ADGRL3: variants seen among roughly 807,000 people sequenced by gnomAD.
ADGRL3 encodes the protein calcium-independent alpha-latrotoxin receptor 3.
A neutral mutation model predicts 153.5 loss-of-function variants in ADGRL3; 62 were observed. The ratio of observed to expected loss-of-function variants is 0.40; its 90% CI spans 0.33 to 0.50. ADGRL3 has a LOEUF of 0.50. Among genes scored for constraint, ADGRL3 ranks in the 20% least tolerant of loss-of-function variants. The probability of loss-of-function intolerance (pLI) is 0.47; values close to 1 mark genes in which losing one functional copy is unlikely to be tolerated. For missense variants in ADGRL3, 1,641 were observed against 1,859.4 expected, an observed-to-expected ratio of 0.88 and a Z score of 2.16; for synonymous variants, 710 against 672.5, an observed-to-expected ratio of 1.06 and a Z score of -0.86.
chr4:61,905,841 G>T (rs1227939655), intron 11 of ADGRL3, among the ~76,000 whole-genome samples: 1 of 151,144 alleles, frequency 6.6e-6, no homozygotes, highest in East Asian at 2.0e-4. Context: ...GTTGCAGTGA[G>T]TCGAGATCAT....
rs866542492 is a variant in ADGRL3 at position 61,859,307 on chromosome 4, A to G, written c.1481-33349A>G. Among the ~76,000 whole-genome samples the G allele has an allele frequency of 1.3e-4, 20 of 152,188 alleles. 1 individual carries two copies. Among genetic ancestry groups the G allele is most frequent in the African/African-American group, 4.8e-4 (20 of 41,462 alleles). On this transcript the variant is annotated intron_variant, in intron 9 of 26. Coordinates refer to ENST00000683033, the MANE Select transcript of ADGRL3 (RefSeq NM_001387552.1). ...TCTACATATTAATTTAGATAAGCAG[A>G]AAGGAAGCTACATGAAATACTTAGA...
chr4:61,826,821 A>T (rs1046746350), intron 9 of ADGRL3, among the ~76,000 whole-genome samples: 2 of 152,066 alleles, frequency 1.3e-5, no homozygotes, highest in African/African-American at 4.8e-5. Flanking sequence ...AATGTAAATG[A>T]TGAGTTAATG....
intron 2 of ADGRL3, among the ~76,000 whole-genome samples, chr4:61,400,920 C>G (rs2096922772): frequency 6.6e-6 from 1 of 151,116 alleles, no homozygotes. Flanking sequence ...TTAGAATTCT[C>G]ATGAGGATGC....
At chr4:61,558,403 T>A (rs926594214) in intron 4 of ADGRL3, among the ~76,000 whole-genome samples, 5 of 151,712 alleles carry the variant, frequency 3.3e-5, no homozygotes, top group Non-Finnish European at 2.9e-5. Flanking sequence ...TTAAAATAGA[T>A]ATTTAGCTAT....
chr4:61,450,338 G>C (rs76186724), intron 2 of ADGRL3, among the ~76,000 whole-genome samples: 1,697 of 152,234 alleles, frequency 0.011, 33 homozygotes, highest in African/African-American at 0.039. Context: ...TGATTATGGT[G>C]AAGGTCCTAA....
chr4:61,312,864 T>A (rs2095063293), intron 1 of ADGRL3, among the ~76,000 whole-genome samples: 2 of 152,158 alleles, frequency 1.3e-5, no homozygotes, highest in South Asian at 4.1e-4. Context: ...GCAATTGTGC[T>A]CCTTGATATT....
intron 17 of ADGRL3, among the ~76,000 whole-genome samples, chr4:61,962,778 CT>C (rs2098992736): frequency 1.3e-5 from 2 of 152,124 alleles, no homozygotes; most frequent in African/African-American, 4.8e-5. Flanking sequence ...TAAGAGGAAT[CT>C]GTGGGAACGT....
chr4:61,215,948 C>A (rs1742595401), intron 1 of ADGRL3, among the ~76,000 whole-genome samples: 1 of 152,046 alleles, frequency 6.6e-6, no homozygotes, highest in Non-Finnish European at 1.5e-5. Context: ...CATGTAACTT[C>A]TGTAGGTCTA....
At chr4:61,917,391 G>T (rs1486672128) in intron 13 of ADGRL3, among the ~76,000 whole-genome samples, 1 of 152,048 alleles carries the variant, frequency 6.6e-6, no homozygotes, top group African/African-American at 2.4e-5. Context: ...TAATTATTTT[G>T]TGCTGCCATA....
chr4:61,361,551 A>G (rs528955286), intron 1 of ADGRL3, among the ~76,000 whole-genome samples: 26 of 152,314 alleles, frequency 1.7e-4, no homozygotes, highest in African/African-American at 6.0e-4. Flanking sequence ...CTAGACCTCC[A>G]CAGGTACATC....
At chr4:61,402,797 G>A (rs973416198) in intron 2 of ADGRL3, among the ~76,000 whole-genome samples, 6 of 152,048 alleles carry the variant, frequency 3.9e-5, no homozygotes, top group South Asian at 2.1e-4. Context: ...GGGGAGGTGC[G>A]TTTCCATCAT....
At chr4:61,326,298 T>C (rs1370152536) in intron 1 of ADGRL3, among the ~76,000 whole-genome samples, 1 of 152,110 alleles carries the variant, frequency 6.6e-6, no homozygotes, top group Non-Finnish European at 1.5e-5. Context: ...TATATTCACA[T>C]CCTTTCAAAT....
intron 9 of ADGRL3, among the ~76,000 whole-genome samples, chr4:61,871,145 G>T (rs919658683): frequency 2.6e-5 from 4 of 152,054 alleles, no homozygotes; most frequent in Non-Finnish European, 4.4e-5. Flanking sequence ...AGGTGTGGTG[G>T]CGAGTGCCTG....
chr4:61,293,277 T>G (rs1228350812), intron 1 of ADGRL3, among the ~76,000 whole-genome samples: 2 of 152,172 alleles, frequency 1.3e-5, no homozygotes, highest in Admixed American at 6.5e-5. Flanking sequence ...TCCTCTTTTG[T>G]GTTTTAAACC....
At chr4:61,615,527 C>T (rs1299156195) in intron 5 of ADGRL3, among the ~76,000 whole-genome samples, 5 of 150,896 alleles carry the variant, frequency 3.3e-5, no homozygotes, top group African/African-American at 7.3e-5. Context: ...GACAAAAGAA[C>T]GAAGAAGAAC....
At chr4:61,728,324 C>A (rs1179610449) in intron 6 of ADGRL3, among the ~76,000 whole-genome samples, 2 of 151,946 alleles carry the variant, frequency 1.3e-5, no homozygotes, top group East Asian at 3.9e-4. Flanking sequence ...CAGCTTATGC[C>A]AATTTCTCTG....
intron 2 of ADGRL3, among the ~76,000 whole-genome samples, chr4:61,403,683 A>G (rs1013131598): frequency 6.6e-6 from 1 of 152,054 alleles, no homozygotes; most frequent in Admixed American, 6.6e-5. Flanking sequence ...ATAGCTAGGG[A>G]GTCAGACGTG....
intron 6 of ADGRL3, among the ~76,000 whole-genome samples, chr4:61,719,071 A>G (rs951542612): frequency 6.6e-6 from 1 of 152,188 alleles, no homozygotes; most frequent in Admixed American, 6.5e-5. Context: ...TGGATTGTGT[A>G]TCACATTATA....
chr4:61,312,774 G>A, intron 1 of ADGRL3, among the ~76,000 whole-genome samples: 1 of 152,156 alleles, frequency 6.6e-6, no homozygotes, highest in Non-Finnish European at 1.5e-5. Context: ...GTTACTCATT[G>A]CTGGTGAGAA....
Sources: allele counts gnomAD v4.1 joint callset (sites outside exome capture counted in the v4.1 genomes callset), GRCh38; gene constraint gnomAD v4.1.1; transcripts MANE v1.5; gene names NCBI Gene and HGNC (gene_info 2026-07-23, HGNC 2026-07-21).